The following PDE7A variants were observed in gnomAD, a reference collection of about 807,000 sequenced individuals.
The protein encoded by PDE7A is phosphodiesterase 7A.
A neutral mutation model predicts 64.3 loss-of-function variants in PDE7A; 39 were observed. The ratio of observed to expected loss-of-function variants is 0.61; its 90% confidence interval spans 0.47 to 0.79. The LOEUF (loss-of-function observed/expected upper bound fraction) is 0.79, where lower values mean the gene tolerates loss of function less well. Ranked by LOEUF, PDE7A falls within the 30% of genes least tolerant of loss-of-function variation. The pLI is 0.00. For synonymous variants in PDE7A, 203 were observed against 206.8 expected, an observed-to-expected ratio of 0.98 and a Z score of 0.16; for missense variants, 470 against 582.8, an observed-to-expected ratio of 0.81 and a Z score of 1.99.
chr8:65,814,082 C>A (rs944369770), intron 1 of PDE7A, among the ~76,000 whole-genome samples: 1 of 151,762 alleles, frequency 6.6e-6, no homozygotes, highest in African/African-American at 2.4e-5. Context: ...TTTCTGAAGA[C>A]CTTGGCTTAC....
chr8:65,733,315 C>T (rs1234044078), intron 7 of PDE7A, among the ~76,000 whole-genome samples: 1 of 152,182 alleles, frequency 6.6e-6, no homozygotes, highest in Non-Finnish European at 1.5e-5. Flanking sequence ...GAAGCCTTCG[C>T]TGACCAGGTT....
intron 1 of PDE7A, among the ~76,000 whole-genome samples, chr8:65,816,168 A>G (rs1585941342): frequency 1.3e-5 from 2 of 151,932 alleles, no homozygotes; most frequent in Admixed American, 1.3e-4. Flanking sequence ...AGTACATAAA[A>G]CCCACATAAA....
chr8:65,807,892 GAGCCA>G (rs1320334189), intron 1 of PDE7A, among the ~76,000 whole-genome samples: 1 of 152,110 alleles, frequency 6.6e-6, no homozygotes. Flanking sequence ...ACCATATCTG[GAGCCA>G]CTAAACCCTG....
intron 1 of PDE7A, among the ~76,000 whole-genome samples, chr8:65,795,014 A>C (rs1017105043): frequency 6.6e-6 from 1 of 152,226 alleles, no homozygotes; most frequent in Non-Finnish European, 1.5e-5. Flanking sequence ...AGGCAGAAAG[A>C]GCAATATGTA....
At chr8:65,804,648 C>G (rs533559085) in intron 1 of PDE7A, among the ~76,000 whole-genome samples, 3 of 151,446 alleles carry the variant, frequency 2.0e-5, no homozygotes, top group Non-Finnish European at 4.4e-5. Flanking sequence ...AGCTATTATC[C>G]TGCCTCAGCC....
chr8:65,755,540 C>G (rs1430082774), intron 3 of PDE7A, among the ~76,000 whole-genome samples: 1 of 152,192 alleles, frequency 6.6e-6, no homozygotes. Context: ...CAATCCTCCT[C>G]CTTCCTATTG....
intron 1 of PDE7A, among the ~76,000 whole-genome samples, chr8:65,840,090 T>C (rs1811043489): frequency 6.6e-6 from 1 of 152,226 alleles, no homozygotes; most frequent in Non-Finnish European, 1.5e-5. Context: ...ACATTAATTC[T>C]GGAATCTGAA....
chr8:65,808,757 A>C (rs1810172296), intron 1 of PDE7A, among the ~76,000 whole-genome samples: 1 of 152,230 alleles, frequency 6.6e-6, no homozygotes, highest in African/African-American at 2.4e-5. Flanking sequence ...GAGCACAAGA[A>C]GACACTTTTT....
rs114980295 is a variant in PDE7A at position 65,789,730 on chromosome 8, G to A, written c.139-6887C>T. On this transcript the variant is annotated intron_variant, in intron 1 of 12. Coordinates refer to ENST00000401827, the MANE Select transcript of PDE7A (RefSeq NM_001242318.3). The stretch of plus-strand genomic sequence containing the variant: ...CTTCTATTCATCCATCTTCATAACC[G>A]AGAGGCTGCAGATAATACTGCTGAG... 3.5e-3 allele frequency among the ~76,000 whole-genome samples: 528 copies of A among 152,198 alleles called. 2 individuals are homozygous for A. The highest frequency in any genetic ancestry group is 0.012 in the African/African-American group (494 of 41,530).
At chr8:65,830,244 T>C (rs1451375898) in intron 1 of PDE7A, among the ~76,000 whole-genome samples, 2 of 152,076 alleles carry the variant, frequency 1.3e-5, no homozygotes, top group African/African-American at 4.8e-5. Flanking sequence ...TCTTTCTTTT[T>C]TTTTTAACAT....
intron 3 of PDE7A, among the ~76,000 whole-genome samples, chr8:65,774,311 G>C (rs1809195332): frequency 8.3e-6 from 1 of 121,204 alleles, no homozygotes; most frequent in Non-Finnish European, 1.6e-5. Context: ...GACATTTATA[G>C]TGAGAATATT....
intron 6 of PDE7A, among the ~76,000 whole-genome samples, chr8:65,738,160 AAC>A (rs1219941589): frequency 4.6e-5 from 7 of 152,250 alleles, no homozygotes; most frequent in Admixed American, 1.3e-4. Flanking sequence ...TTTAAAAAAA[AAC>A]GATGTATACA....
intron 5 of PDE7A, 110 bp from the exon 6 acceptor site, chr8:65,739,707 C>T: frequency 8.7e-7 from 1 of 1,143,332 alleles, no homozygotes; most frequent in East Asian, 3.4e-5. Flanking sequence ...GTAATAATTC[C>T]CACTTTTTGT....
At chr8:65,726,428 C>T (rs1254306188) in intron 9 of PDE7A, among the ~76,000 whole-genome samples, 1 of 152,054 alleles carries the variant, frequency 6.6e-6, no homozygotes, top group Non-Finnish European at 1.5e-5. Context: ...GGACATAAGG[C>T]ACTCTCTTTA....
At chr8:65,744,703 A>C (rs1217191403) in intron 5 of PDE7A, among the ~76,000 whole-genome samples, 1 of 152,252 alleles carries the variant, frequency 6.6e-6, no homozygotes, top group African/African-American at 2.4e-5. Flanking sequence ...CACAATCTAA[A>C]AGAAACCAAA....
intron 9 of PDE7A, chr8:65,725,323 G>T (rs1317707589): frequency 1.9e-5 from 3 of 156,592 alleles, no homozygotes; most frequent in African/African-American, 7.2e-5. Flanking sequence ...TAGTGCCTGA[G>T]ATCTGAAGGC....
intron 1 of PDE7A, among the ~76,000 whole-genome samples, chr8:65,834,600 C>A (rs1563525186): frequency 6.6e-6 from 1 of 152,292 alleles, no homozygotes; most frequent in East Asian, 1.9e-4. Flanking sequence ...ACTCAAAATT[C>A]TGATAAGTAA....
intron 1 of PDE7A, among the ~76,000 whole-genome samples, chr8:65,785,241 TGA>T (rs1809518338): frequency 6.6e-6 from 1 of 152,180 alleles, no homozygotes; most frequent in Admixed American, 6.5e-5. Flanking sequence ...CCAAGGAGGC[TGA>T]GGGATACAGA....
chr8:65,832,849 T>C (rs941602796), intron 1 of PDE7A, among the ~76,000 whole-genome samples: 3 of 152,172 alleles, frequency 2.0e-5, no homozygotes, highest in Non-Finnish European at 4.4e-5. Flanking sequence ...CAGATCTCCT[T>C]ATTTCCTACT....
Sources: allele counts gnomAD v4.1 joint callset (sites outside exome capture counted in the v4.1 genomes callset), GRCh38; gene constraint gnomAD v4.1.1; transcripts MANE v1.5; gene names NCBI Gene and HGNC (gene_info 2026-07-23, HGNC 2026-07-21).